Variants in CFAP299 observed in about 807,000 individuals in gnomAD.
CFAP299 encodes the protein cilia- and flagella-associated protein 299.
CFAP299 carries 21 observed loss-of-function variants against 27.0 expected under a neutral mutation model. That is an observed-to-expected ratio of 0.78 (90% CI 0.55 to 1.12). The LOEUF (loss-of-function observed/expected upper bound fraction) is 1.12. Ranked by LOEUF, CFAP299 falls within the 50% of genes most tolerant of loss-of-function variation. The pLI, the probability that CFAP299 is intolerant of heterozygous loss-of-function variation, is 0.00. For synonymous variants in CFAP299, 104 were observed against 98.1 expected (o/e 1.06, Z -0.36); for missense variants, 310 against 276.6 (o/e 1.12, Z -0.86).
intron 2 of CFAP299, among the ~76,000 whole-genome samples, chr4:80,411,531 G>GA (rs1004983985): frequency 1.3e-5 from 2 of 151,886 alleles, no homozygotes; most frequent in Non-Finnish European, 2.9e-5. Context: ...ATTGTCTTTA[G>GA]AAAAATTGTA....
At chr4:80,666,480 G>A (rs4693613) in intron 3 of CFAP299, among the ~76,000 whole-genome samples, 134,869 of 151,458 alleles carry the variant, frequency 0.89, 60,265 homozygotes, top group East Asian at 1. Flanking sequence ...ATCCCAGCCC[G>A]TGTATCCCCA....
At chr4:80,867,478 CT>C (rs1732811771) in intron 3 of CFAP299, among the ~76,000 whole-genome samples, 1 of 152,070 alleles carries the variant, frequency 6.6e-6, no homozygotes, top group African/African-American at 2.4e-5. Flanking sequence ...TGTGAGTTTG[CT>C]AAGGCTGACA....
chr4:80,341,658 C>G (rs954441715), intron 1 of CFAP299, among the ~76,000 whole-genome samples: 1 of 152,186 alleles, frequency 6.6e-6, no homozygotes, highest in Non-Finnish European at 1.5e-5. Flanking sequence ...CATAAAAACC[C>G]CATTTAAAGT....
At chr4:80,738,115 T>G (rs1724022378) in intron 3 of CFAP299, among the ~76,000 whole-genome samples, 1 of 152,200 alleles carries the variant, frequency 6.6e-6, no homozygotes, top group Non-Finnish European at 1.5e-5. Context: ...TTCAATTTTT[T>G]GAATGTTTTA....
intron 2 of CFAP299, among the ~76,000 whole-genome samples, chr4:80,480,522 G>A (rs1730511433): frequency 1.3e-5 from 2 of 151,934 alleles, no homozygotes; most frequent in South Asian, 4.1e-4. Flanking sequence ...TTTAAATTCT[G>A]TTTTTCTCTA....
chr4:80,833,105 T>C (rs749053717), intron 3 of CFAP299, among the ~76,000 whole-genome samples: 6 of 152,096 alleles, frequency 3.9e-5, no homozygotes, highest in Non-Finnish European at 8.8e-5. Context: ...ATATTTTACA[T>C]TACTCAGCAT....
chr4:80,901,242 A>G (rs1021966097), intron 4 of CFAP299, among the ~76,000 whole-genome samples: 1 of 152,208 alleles, frequency 6.6e-6, no homozygotes, highest in Non-Finnish European at 1.5e-5. Context: ...TTCCTGTAGC[A>G]TATGACTAGA....
intron 4 of CFAP299, chr4:80,871,683 C>A: frequency 1.0e-6 from 1 of 966,012 alleles, no homozygotes; most frequent in Non-Finnish European, 1.2e-6. Context: ...ATTATCTTAG[C>A]AGCTTTGTTT....
At chr4:80,641,403 C>G (rs559248317) in intron 3 of CFAP299, among the ~76,000 whole-genome samples, 1 of 152,144 alleles carries the variant, frequency 6.6e-6, no homozygotes, top group East Asian at 1.9e-4. Context: ...CGGGGTTTCA[C>G]TATGTTGGCC....
At chr4:80,354,015 G>A (rs1293467950) in intron 1 of CFAP299, among the ~76,000 whole-genome samples, 1 of 152,148 alleles carries the variant, frequency 6.6e-6, no homozygotes, top group South Asian at 2.1e-4. Flanking sequence ...GACCTAAGAA[G>A]ACTGTTTGCA....
chr4:80,817,093 T>G (rs1263140376), intron 3 of CFAP299, among the ~76,000 whole-genome samples: 1 of 152,092 alleles, frequency 6.6e-6, no homozygotes, highest in African/African-American at 2.4e-5. Context: ...GGTTAGGCAG[T>G]GTCCCTGGAG....
chr4:80,321,567 G>A, the CFAP299 span, among the ~76,000 whole-genome samples: 1 of 151,982 alleles, frequency 6.6e-6, no homozygotes, highest in African/African-American at 2.4e-5. Context: ...CTCCCCCATC[G>A]CCACACCCTG....
At chr4:80,756,937 G>A (rs1012023391) in intron 3 of CFAP299, among the ~76,000 whole-genome samples, 4 of 152,092 alleles carry the variant, frequency 2.6e-5, no homozygotes, top group Admixed American at 6.5e-5. Flanking sequence ...AAATATATTG[G>A]ATATTTACAA....
At chr4:80,863,569 C>T (rs1197437484) in intron 3 of CFAP299, among the ~76,000 whole-genome samples, 20 of 152,160 alleles carry the variant, frequency 1.3e-4, no homozygotes, top group Admixed American at 1.3e-3. Flanking sequence ...TTATTCCCCA[C>T]TTCAATATCA....
At chr4:80,763,019 A>G (rs189980143) in intron 3 of CFAP299, among the ~76,000 whole-genome samples, 15 of 152,306 alleles carry the variant, frequency 9.8e-5, no homozygotes, top group African/African-American at 3.4e-4. Context: ...TTGAACACTA[A>G]GCTTTTTCTC....
At chr4:80,650,029 T>C (rs989729105) in intron 3 of CFAP299, among the ~76,000 whole-genome samples, 3 of 152,110 alleles carry the variant, frequency 2.0e-5, no homozygotes, top group Non-Finnish European at 4.4e-5. Context: ...TAGCTTACTT[T>C]GTAAATATGC....
At chr4:80,798,678 A>T (rs993900795) in intron 3 of CFAP299, among the ~76,000 whole-genome samples, 1 of 152,022 alleles carries the variant, frequency 6.6e-6, no homozygotes, top group African/African-American at 2.4e-5. Flanking sequence ...TCTGCTTCTA[A>T]AGCCAGGAGT....
chr4:80,511,776 A>G (rs566994418), intron 2 of CFAP299, among the ~76,000 whole-genome samples: 4 of 152,252 alleles, frequency 2.6e-5, no homozygotes, highest in Admixed American at 2.0e-4. Flanking sequence ...GAATCTTTTT[A>G]TCTTTTAATG....
chr4:80,780,853 G>A (rs191850256), intron 3 of CFAP299, among the ~76,000 whole-genome samples: 8 of 151,798 alleles, frequency 5.3e-5, no homozygotes, highest in Admixed American at 1.3e-4. Context: ...AAAATCCATA[G>A]AAGGATGGAT....
Sources: allele counts gnomAD v4.1 joint callset (sites outside exome capture counted in the v4.1 genomes callset), GRCh38; gene constraint gnomAD v4.1.1; transcripts MANE v1.5; gene names NCBI Gene and HGNC (gene_info 2026-07-23, HGNC 2026-07-21).